Variants in COL25A1 observed in about 807,000 individuals in gnomAD.
COL25A1 encodes collagen alpha-1(XXV) chain.
COL25A1 carries 103 observed loss-of-function variants against 128.4 expected under a neutral mutation model. That is an observed-to-expected ratio of 0.80 (90% confidence interval 0.68 to 0.94). COL25A1 has a LOEUF of 0.94. Among genes scored for constraint, COL25A1 ranks in the 40% least tolerant of loss-of-function variants. COL25A1 has a pLI of 0.00. For synonymous variants in COL25A1, 279 were observed against 277.2 expected, an observed-to-expected ratio of 1.01 and a Z score of -0.06; for missense variants, 745 against 840.0, an observed-to-expected ratio of 0.89 and a Z score of 1.40.
intron 8 of COL25A1, among the ~76,000 whole-genome samples, chr4:108,942,597 C>T (rs1301839793): frequency 1.3e-5 from 2 of 151,998 alleles, no homozygotes; most frequent in Non-Finnish European, 2.9e-5. Context: ...CCATGTGCCA[C>T]CACGCCCAGC....
rs1171405826 is a variant in COL25A1 at position 109,218,356 on chromosome 4, GGTT to G, written c.367+82224_367+82226del. Reference sequence around the variant, plus strand: ...GCAGAATCAATTGCTGGTTTTTTGGGGTTTTTTTTTTTTTTTTTTTTTTTTTGC... The same window carrying G: ...GCAGAATCAATTGCTGGTTTTTTGGGTTTTTTTTTTTTTTTTTTTTTTTGC... On this transcript the variant is annotated intron_variant, in intron 3 of 37. Coordinates refer to ENST00000399132, the MANE Select transcript of COL25A1 (RefSeq NM_198721.4). Among the ~76,000 whole-genome samples the G allele has an allele frequency of 5.4e-4, 54 of 100,458 alleles. No individual in the cohort carries two copies. The South Asian group carries it at 0.017, about 32-fold the overall frequency. The allele number at this position is 100,458 out of a possible 152,430, so 65.9% of individuals were successfully genotyped here.
chr4:109,238,982 C>A (rs1022921537), intron 3 of COL25A1, among the ~76,000 whole-genome samples: 1 of 151,874 alleles, frequency 6.6e-6, no homozygotes, highest in Non-Finnish European at 1.5e-5. Context: ...GTCATCAACC[C>A]GAGGGGAACC....
chr4:109,222,534 T>G (rs1778502409), intron 3 of COL25A1, among the ~76,000 whole-genome samples: 1 of 152,202 alleles, frequency 6.6e-6, no homozygotes, highest in Non-Finnish European at 1.5e-5. Context: ...TTAAACTATT[T>G]AATTTTAGTA....
At chr4:108,945,738 A>G (rs1748659846) in intron 8 of COL25A1, among the ~76,000 whole-genome samples, 1 of 152,166 alleles carries the variant, frequency 6.6e-6, no homozygotes, top group Non-Finnish European at 1.5e-5. Context: ...ATCTCGGCTC[A>G]CTGCAACCTC....
chr4:108,943,283 T>C (rs1748356834), intron 8 of COL25A1, among the ~76,000 whole-genome samples: 1 of 152,216 alleles, frequency 6.6e-6, no homozygotes. Flanking sequence ...TTTCCCTCAA[T>C]TGACATTCTG....
At chr4:108,980,049 A>G (rs1477129107) in intron 6 of COL25A1, among the ~76,000 whole-genome samples, 2 of 152,172 alleles carry the variant, frequency 1.3e-5, no homozygotes, top group Non-Finnish European at 2.9e-5. Flanking sequence ...GGGTGGTAAG[A>G]ACATGTGGGG....
At chr4:109,288,162 A>C (rs981621551) in intron 3 of COL25A1, among the ~76,000 whole-genome samples, 1 of 152,298 alleles carries the variant, frequency 6.6e-6, no homozygotes, top group Non-Finnish European at 1.5e-5. Context: ...AAGTTCCTTC[A>C]GTCCTTCCCC....
At chr4:109,041,183 C>T (rs765041478) in intron 5 of COL25A1, among the ~76,000 whole-genome samples, 6 of 152,060 alleles carry the variant, frequency 3.9e-5, no homozygotes, top group Admixed American at 6.6e-5. Context: ...GCAAGAGAAA[C>T]GGTACAAGGA....
chr4:109,117,999 G>GA (rs1220655283), intron 3 of COL25A1, among the ~76,000 whole-genome samples: 2 of 151,496 alleles, frequency 1.3e-5, no homozygotes, highest in Non-Finnish European at 3.0e-5. Context: ...CAAAAAGGCA[G>GA]AAAAAAATGT....
intron 3 of COL25A1, among the ~76,000 whole-genome samples, chr4:109,182,066 A>G (rs547709148): frequency 7.9e-5 from 12 of 152,106 alleles, no homozygotes; most frequent in Non-Finnish European, 1.2e-4. Flanking sequence ...CTCATTGTGT[A>G]TATAGGCCAC....
intron 3 of COL25A1, among the ~76,000 whole-genome samples, chr4:109,147,608 G>C (rs1020610675): frequency 3.9e-5 from 6 of 152,138 alleles, no homozygotes; most frequent in African/African-American, 1.4e-4. Flanking sequence ...CTTGAGGTCA[G>C]GAGTTCGAGA....
chr4:109,106,132 T>C (rs1766405503), intron 3 of COL25A1, among the ~76,000 whole-genome samples: 1 of 152,164 alleles, frequency 6.6e-6, no homozygotes, highest in Non-Finnish European at 1.5e-5. Context: ...ATAATAAACA[T>C]ACATTCTAAA....
At chr4:109,242,550 C>T (rs1026268080) in intron 3 of COL25A1, among the ~76,000 whole-genome samples, 7 of 151,996 alleles carry the variant, frequency 4.6e-5, no homozygotes. Context: ...TCCCAGGAGA[C>T]CATAAGTCAC....
At chr4:109,209,610 TTTA>T (rs780924639) in intron 3 of COL25A1, among the ~76,000 whole-genome samples, 1 of 152,230 alleles carries the variant, frequency 6.6e-6, no homozygotes, top group Non-Finnish European at 1.5e-5. Context: ...TTTCCCTCAC[TTTA>T]TTTTCAAAAA....
chr4:108,823,913 G>A (rs1009483099), intron 35 of COL25A1: 2 of 1,381,458 alleles, frequency 1.4e-6, no homozygotes, highest in Non-Finnish European at 1.9e-6. Flanking sequence ...CCATAAATTG[G>A]TGTCAGGTGG....
intron 3 of COL25A1, among the ~76,000 whole-genome samples, chr4:109,212,530 G>GA (rs1777656850): frequency 6.6e-6 from 1 of 152,134 alleles, no homozygotes; most frequent in Non-Finnish European, 1.5e-5. Context: ...TATTGGTTAA[G>GA]AAATCAAGGC....
chr4:108,865,771 T>A (rs2125800589), intron 20 of COL25A1, among the ~76,000 whole-genome samples: 1 of 152,308 alleles, frequency 6.6e-6, no homozygotes, highest in East Asian at 1.9e-4. Context: ...ATTTATATAT[T>A]TTTAGAGAGG....
intron 10 of COL25A1, among the ~76,000 whole-genome samples, chr4:108,938,780 C>T (rs1747734729): frequency 6.6e-6 from 1 of 152,060 alleles, no homozygotes; most frequent in South Asian, 2.1e-4. Context: ...TGGTGTGAAC[C>T]CGGGAGGCAG....
intron 26 of COL25A1, 28 bp from the exon 27 acceptor site, chr4:108,848,831 C>T (rs767351917): frequency 6.3e-7 from 1 of 1,583,172 alleles, no homozygotes; most frequent in Non-Finnish European, 8.7e-7. Flanking sequence ...GATGACTTGC[C>T]TCCATTCTCA....
Sources: allele counts gnomAD v4.1 joint callset (sites outside exome capture counted in the v4.1 genomes callset), GRCh38; gene constraint gnomAD v4.1.1; transcripts MANE v1.5; gene names NCBI Gene and HGNC (gene_info 2026-07-23, HGNC 2026-07-21).